The following MTMR8 variants were observed in gnomAD, a reference collection of about 807,000 sequenced individuals.
The protein encoded by MTMR8 is phosphatidylinositol-3,5-bisphosphate 3-phosphatase MTMR8.
A neutral mutation model predicts 39.3 loss-of-function variants in MTMR8; 65 were observed. The observed-to-expected ratio is 1.65, with a 90% CI of 1.35 to 2.03. The LOEUF (loss-of-function observed/expected upper bound fraction) is 2.03, where lower values mean the gene tolerates loss of function less well. Among genes scored for constraint, MTMR8 ranks in the 30% most tolerant of loss-of-function variants. The probability of loss-of-function intolerance (pLI) is 0.00; values close to 1 mark genes in which losing one functional copy is unlikely to be tolerated. For synonymous variants in MTMR8, 245 were observed against 185.2 expected, an observed-to-expected ratio of 1.32 and a Z score of -2.62; for missense variants, 777 against 538.9, an observed-to-expected ratio of 1.44 and a Z score of -4.37.
At chrX:64,365,982 T>A (rs1923942352) in intron 1 of MTMR8, among the ~76,000 whole-genome samples, 1 of 111,186 alleles carries the variant, frequency 9.0e-6, no homozygotes, top group African/African-American at 3.3e-5. Flanking sequence ...AAAACAGACT[T>A]TAAACCAACA....
intron 12 of MTMR8, among the ~76,000 whole-genome samples, chrX:64,302,454 C>T (rs946826718): frequency 2.5e-4 from 28 of 112,089 alleles, no homozygotes; most frequent in Admixed American, 8.4e-4. Flanking sequence ...CACTGGCCTG[C>T]GCCCACTGTC....
intron 12 of MTMR8, chrX:64,306,313 T>C: frequency 3.3e-6 from 1 of 299,121 alleles, no homozygotes; most frequent in South Asian, 4.1e-5. Context: ...TGTTCAGAGG[T>C]TCTAGATGCA....
At chrX:64,329,353 G>A (rs1208788086) in intron 11 of MTMR8, among the ~76,000 whole-genome samples, 1 of 111,585 alleles carries the variant, frequency 9.0e-6, no homozygotes, top group Non-Finnish European at 1.9e-5. Flanking sequence ...GTTCTATGGG[G>A]TGAATTTCTG....
At chrX:64,379,227 C>T (rs771267360) in intron 1 of MTMR8, among the ~76,000 whole-genome samples, 1 of 111,995 alleles carries the variant, frequency 8.9e-6, no homozygotes, top group Admixed American at 9.5e-5. Flanking sequence ...TAGCAATTAT[C>T]TACCATCTCT....
At chrX:64,344,913 TA>T (rs2147227532) in intron 7 of MTMR8, 131 bp downstream of exon 7, 1 of 625,753 alleles carries the variant, frequency 1.6e-6, no homozygotes, top group East Asian at 3.5e-5. Context: ...GTACAATAGT[TA>T]AACACCTAAC....
At chrX:64,344,136 G>T (rs1923289013) in intron 7 of MTMR8, among the ~76,000 whole-genome samples, 1 of 101,068 alleles carries the variant, frequency 9.9e-6, no homozygotes, top group African/African-American at 4.6e-5. Flanking sequence ...CTGTCAACAG[G>T]TTGAAAAAAA....
intron 1 of MTMR8, among the ~76,000 whole-genome samples, chrX:64,382,234 A>G (rs1324857291): frequency 8.9e-6 from 1 of 111,870 alleles, no homozygotes; most frequent in Non-Finnish European, 1.9e-5. Flanking sequence ...CCTGCCCGTG[A>G]GCATGGAATG....
At chrX:64,291,291 C>T (rs1379927088) in intron 12 of MTMR8, among the ~76,000 whole-genome samples, 7 of 110,949 alleles carry the variant, frequency 6.3e-5, no homozygotes, top group Non-Finnish European at 1.3e-4. Context: ...CTGCCCCCAA[C>T]ATCTGCTAAC....
In MTMR8 at chrX:64,268,655, A is replaced by T. The variant is rs142363378; in HGVS notation, c.1997T>A (p.Ile666Asn). 5 of 1,209,789 alleles carry T rather than the reference A, an allele frequency of 4.1e-6. No individual in the cohort carries two copies. In the African/African-American group the frequency reaches 8.8e-5, roughly 21 times the overall value. ...GAMDISEATG[I>N]SGNLGISEAR... is the part of the protein sequence containing the mutation. The stretch of plus-strand genomic sequence containing the variant: ...CTCAGAAATACCCAAGTTTCCAGAG[A>T]TGCCAGTGGCCTCAGAGATGTCCAT... The change falls in exon 14 of 14, where the codon ATC becomes AAC. Residue 666 changes from isoleucine to asparagine, a missense_variant. Physicochemically the swap from Ile to Asn is moderately radical, Grantham distance 149. Transcript: ENST00000374852.
rs140713921 is a variant in MTMR8 at position 64,359,450 on chromosome X, G to A, written c.102C>T (p.His34=). ...CACCTGAAGCCTCCACATAGATCAGGTGGGTTGCAGTAAGATAAAGAATCC... is the reference window on the plus strand; with the variant it reads ...CACCTGAAGCCTCCACATAGATCAGATGGGTTGCAGTAAGATAAAGAATCC... ...ANGILYLTAT[H]LIYVEASGAA... Residue 34 remains histidine, a synonymous_variant, in exon 2 of 14, where the codon CAC becomes CAT. Coordinates refer to ENST00000374852, the MANE Select transcript of MTMR8 (RefSeq NM_017677.4). 74 of 1,206,076 alleles carry A rather than the reference G, an allele frequency of 6.1e-5. No homozygotes were observed. The highest frequency in any genetic ancestry group is 7.4e-5 in the Non-Finnish European group (66 of 892,901).
Position 64,359,518 on chromosome X carries a change from C to G in MTMR8, c.34G>C (p.Val12Leu). 8.4e-7 allele frequency: 1 copy of G among 1,194,695 alleles called. No homozygotes were observed. The highest frequency in any genetic ancestry group is 1.7e-5 in the African/African-American group (1 of 57,260). Residue 12 changes from valine (V) to leucine (L), a missense_variant, in exon 2 of 14, where the codon GTG becomes CTG. Physicochemically the swap from Val to Leu is conservative, Grantham distance 32. Transcript: ENST00000374852. ...CTCACATAACGATCCACCAATTTCA[C>G]GTTTTCTACCTGTTATTGGAGGAAA... ...DHITVPKVEN[V>L]KLVDRYVSKK... is the part of the protein sequence containing the mutation.
intron 12 of MTMR8, among the ~76,000 whole-genome samples, chrX:64,280,254 A>T (rs1389518054): frequency 8.9e-6 from 1 of 111,882 alleles, no homozygotes; most frequent in African/African-American, 3.2e-5. Flanking sequence ...AAGAAAGAAA[A>T]CTTCAGGCCA....
chrX:64,299,732 C>T (rs1165451303), intron 12 of MTMR8, among the ~76,000 whole-genome samples: 3 of 100,701 alleles, frequency 3.0e-5, no homozygotes, highest in Non-Finnish European at 4.0e-5. Context: ...TATAAATTTC[C>T]CTCTACACAC....
intron 12 of MTMR8, among the ~76,000 whole-genome samples, chrX:64,283,809 C>T (rs1220119945): frequency 8.9e-6 from 1 of 112,293 alleles, no homozygotes; most frequent in African/African-American, 3.2e-5. Context: ...ACATCCACAA[C>T]AAAACCCCAT....
chrX:64,344,390 A>C (rs766211503), intron 7 of MTMR8, among the ~76,000 whole-genome samples: 7 of 111,325 alleles, frequency 6.3e-5, no homozygotes, highest in Non-Finnish European at 1.1e-4. Flanking sequence ...AAAGTTGAAG[A>C]AAGAAGAGGA....
intron 1 of MTMR8, among the ~76,000 whole-genome samples, chrX:64,381,746 T>G (rs897400654): frequency 4.0e-4 from 45 of 111,520 alleles, no homozygotes; most frequent in South Asian, 3.7e-4. Flanking sequence ...GGTCTAACAT[T>G]TAAGTCTTTA....
At chrX:64,338,749 C>T (rs777575583) in intron 8 of MTMR8, among the ~76,000 whole-genome samples, 6 of 111,546 alleles carry the variant, frequency 5.4e-5, no homozygotes, top group South Asian at 3.8e-4. Context: ...CTACTAAAAT[C>T]GTGGAAGTCC....
chrX:64,374,614 A>G, intron 1 of MTMR8, among the ~76,000 whole-genome samples: 1 of 112,055 alleles, frequency 8.9e-6, no homozygotes, highest in Middle Eastern at 4.6e-3. Flanking sequence ...AAGTAGTTAA[A>G]GAGAAGTGAA....
At chrX:64,382,276 C>T (rs773252973) in intron 1 of MTMR8, among the ~76,000 whole-genome samples, 25 of 111,736 alleles carry the variant, frequency 2.2e-4, no homozygotes, top group Middle Eastern at 4.6e-3. Context: ...TCTTTTATTT[C>T]GTTGAGCAGT....
Sources: allele counts gnomAD v4.1 joint callset (sites outside exome capture counted in the v4.1 genomes callset), GRCh38; gene constraint gnomAD v4.1.1; transcripts MANE v1.5; gene names NCBI Gene and HGNC (gene_info 2026-07-23, HGNC 2026-07-21).